Variants in NECAP1 observed in about 807,000 individuals in gnomAD.
NECAP1 encodes the protein adaptin ear-binding coat-associated protein 1.
Under a neutral mutation model 33.4 loss-of-function variants are expected in NECAP1, and 13 were observed. The ratio of observed to expected loss-of-function variants is 0.39; its 90% CI spans 0.25 to 0.62. NECAP1 has a LOEUF of 0.62. Among genes scored for constraint, NECAP1 ranks in the 20% least tolerant of loss-of-function variants. The pLI is 0.52. For missense variants in NECAP1, 272 were observed against 347.4 expected (o/e 0.78, Z 1.73); for synonymous variants, 109 against 125.2 (o/e 0.87, Z 0.86).
chr12:8,085,318 T>C lies in NECAP1; in HGVS notation c.95+2935T>C, dbSNP rs763752627. ...CAGGCGTGAGCCACCGCACCCGGCCTACTTCAAGCTTTTTAAAACACCTCC... is the reference window on the plus strand; with the variant it reads ...CAGGCGTGAGCCACCGCACCCGGCCCACTTCAAGCTTTTTAAAACACCTCC... On this transcript the variant is annotated intron_variant, in intron 1 of 7. Transcript: ENST00000339754. Among the ~76,000 whole-genome samples the C allele has an allele frequency of 2.0e-5, 3 of 152,238 alleles. No homozygotes were observed. In the South Asian group the frequency reaches 6.2e-4, roughly 32 times the overall value.
intron 6 of NECAP1, chr12:8,094,662 C>T (rs1361469694): frequency 6.6e-6 from 1 of 152,216 alleles, no homozygotes; most frequent in Non-Finnish European, 1.5e-5. Context: ...AACAGAGTCT[C>T]ACTACGTTGC....
chr12:8,095,711 G>A lies in NECAP1; in HGVS notation c.779+8G>A, dbSNP rs758814635. The A allele has an allele frequency of 5.0e-6, 8 of 1,596,696 alleles. No homozygotes were observed. The highest frequency in any genetic ancestry group is 2.2e-5 in the South Asian group (2 of 90,650). On this transcript the variant is annotated splice_region_variant and intron_variant, in intron 7 of 7. Transcript: ENST00000339754. ...CTTCAGCACTGCCTCCAGGTAATGG[G>A]CATAGTGAAACTAGCATACTCTCAA...
At chr12:8,088,707 GT>G (rs1230756761) in intron 1 of NECAP1, among the ~76,000 whole-genome samples, 11 of 152,154 alleles carry the variant, frequency 7.2e-5, no homozygotes, top group African/African-American at 2.7e-4. Context: ...GAAAGCTGAA[GT>G]TGTTACTATG....
chr12:8,089,900 G>A, intron 1 of NECAP1, 36 bp from the exon 2 acceptor site: 1 of 1,501,076 alleles, frequency 6.7e-7, no homozygotes, highest in Non-Finnish European at 9.3e-7. Flanking sequence ...GTAAATTAAG[G>A]ACATGTGCCT....
At chr12:8,085,059 G>A (rs1307557632) in intron 1 of NECAP1, among the ~76,000 whole-genome samples, 2 of 149,784 alleles carry the variant, frequency 1.3e-5, no homozygotes, top group Non-Finnish European at 3.0e-5. Context: ...TGGCTGTGTT[G>A]CCCAGGCTGG....
chr12:8,087,698 T>G (rs1290103863), intron 1 of NECAP1, among the ~76,000 whole-genome samples: 12 of 151,896 alleles, frequency 7.9e-5, no homozygotes, highest in Admixed American at 7.9e-4. Context: ...TTCCTAATAT[T>G]TTTAATAGCC....
At chr12:8,085,713 T>G (rs58609766) in intron 1 of NECAP1, among the ~76,000 whole-genome samples, 37,568 of 127,398 alleles carry the variant, frequency 0.29, 2,099 homozygotes, top group East Asian at 0.43. Flanking sequence ...TTTTTTTTTT[T>G]TTGTTGTTGA....
intron 1 of NECAP1, among the ~76,000 whole-genome samples, chr12:8,085,941 G>T (rs919423857): frequency 1.2e-4 from 18 of 151,968 alleles, no homozygotes; most frequent in African/African-American, 3.6e-4. Context: ...CTGGCCTCAG[G>T]CAATCCACCC....
chr12:8,096,084 G>C lies in NECAP1; in HGVS notation c.822G>C (p.Gln274His), dbSNP rs1377147239. ...CACCACAGCCATCCAACTGGGTCCA[G>C]TTCTGAATGGCATTGGCAGGACATT... ...NQAPQPSNWVQF is the reference protein window; with the variant it reads ...NQAPQPSNWVHF The change falls in exon 8 of 8, where the codon CAG becomes CAC. Residue 274 changes from glutamine (Q) to histidine (H), a missense_variant. Coordinates refer to ENST00000339754, the MANE Select transcript of NECAP1 (RefSeq NM_015509.4). 1 of 1,614,062 alleles carries C rather than the reference G, an allele frequency of 6.2e-7. No homozygotes were observed. Among genetic ancestry groups the C allele is most frequent in the Non-Finnish European group, 8.5e-7 (1 of 1,179,966 alleles).
chr12:8,089,221 A>G (rs1216275461), intron 1 of NECAP1: 2 of 152,082 alleles, frequency 1.3e-5, no homozygotes, highest in African/African-American at 4.8e-5. Flanking sequence ...ATATTGATTG[A>G]ATTCAGTGAA....
intron 6 of NECAP1, chr12:8,093,328 G>T: frequency 2.5e-6 from 1 of 405,502 alleles, no homozygotes; most frequent in Non-Finnish European, 4.4e-6. Flanking sequence ...TGAGTCAGAT[G>T]GACCAAGATT....
chr12:8,092,836 A>G, intron 5 of NECAP1, 36 bp from the exon 6 acceptor site: 1 of 1,584,468 alleles, frequency 6.3e-7, no homozygotes, highest in Middle Eastern at 1.7e-4. Flanking sequence ...TAAGCCTATG[A>G]CATCTTTCTC....
At position 8,096,991 on chromosome 12, in the gene NECAP1, G is replaced by A. The variant is rs1446843670; in HGVS notation, c.*901G>A. The A allele has an allele frequency of 6.6e-6, 1 of 152,656 alleles. No individual in the cohort carries two copies. The highest frequency in any genetic ancestry group is 1.5e-5 in the Non-Finnish European group (1 of 68,044). 9.5% of individuals were successfully genotyped at this position (152,656 alleles called of 1,614,324 possible). ...TAGAGTTTTTAACCTGATCTGTAGA[G>A]CAGAGAGGTTGAAAGCACTTAACTC... On this transcript the variant is annotated 3_prime_UTR_variant, in exon 8 of 8. Coordinates refer to ENST00000339754, the MANE Select transcript of NECAP1 (RefSeq NM_015509.4).
At chr12:8,085,313 C>T (rs775119650) in intron 1 of NECAP1, among the ~76,000 whole-genome samples, 33 of 152,212 alleles carry the variant, frequency 2.2e-4, no homozygotes, top group African/African-American at 2.2e-4. Context: ...CCACCGCACC[C>T]GGCCTACTTC....
chr12:8,097,753 T>G lies in NECAP1; in HGVS notation c.*1663T>G, dbSNP rs1454366108. On this transcript the variant is annotated 3_prime_UTR_variant, in exon 8 of 8. Coordinates refer to ENST00000339754, the MANE Select transcript of NECAP1 (RefSeq NM_015509.4). ...GCTGTATTGGTGCAATAATGGTAAT[T>G]AAAAATATGAAAAAAGTGTCTCTTT... The G allele has an allele frequency of 6.6e-6, 1 of 152,640 alleles. No individual in the cohort carries two copies. Among genetic ancestry groups the G allele is most frequent in the Non-Finnish European group, 1.5e-5 (1 of 68,032 alleles). The allele number at this position is 152,640 out of a possible 1,614,324, so 9.5% of individuals were successfully genotyped here.
chr12:8,086,928 TACACACACACACAC>T (rs140539415), intron 1 of NECAP1, among the ~76,000 whole-genome samples: 7 of 143,750 alleles, frequency 4.9e-5, no homozygotes, highest in Middle Eastern at 3.4e-3. Context: ...GAGACTCTAT[TACACACACACACAC>T]ACACACACAC....
chr12:8,082,445 AGCTAGCAC>A, intron 1 of NECAP1, 62 bp downstream of exon 1: 1 of 1,453,532 alleles, frequency 6.9e-7, no homozygotes, highest in Non-Finnish European at 9.5e-7. Flanking sequence ...CTTCCTTCTC[AGCTAGCAC>A]GCTGTCCGTC....
chr12:8,082,501 C>G, intron 1 of NECAP1, 118 bp downstream of exon 1: 1 of 904,428 alleles, frequency 1.1e-6, no homozygotes, highest in Non-Finnish European at 1.7e-6. Flanking sequence ...CCTTGCTAGC[C>G]TCCCTACCTG....
chr12:8,095,803 TCA>T (rs1478325579), intron 7 of NECAP1, 100 bp downstream of exon 7: 1 of 1,254,832 alleles, frequency 8.0e-7, no homozygotes, highest in African/African-American at 1.5e-5. Flanking sequence ...GATATGCAGG[TCA>T]CATAGAGTCT....
Sources: gnomAD v4.1 joint callset for allele counts (sites outside exome capture counted in the v4.1 genomes callset) on GRCh38, gnomAD v4.1.1 for gene constraint, MANE v1.5 for transcripts, NCBI Gene and HGNC (gene_info 2026-07-23, HGNC 2026-07-21) for gene names.